Variants in TRPM2 observed in about 807,000 individuals in gnomAD.
The protein encoded by TRPM2 is estrogen-responsive element-associated gene 1 protein.
In TRPM2, 161 loss-of-function variants were observed where a neutral mutation model predicts 174.0. The ratio of observed to expected loss-of-function variants is 0.93; its 90% CI spans 0.81 to 1.05. TRPM2 has a LOEUF of 1.05. TRPM2 is among the 50% of genes least tolerant of loss of function. The probability of loss-of-function intolerance (pLI) is 0.00; values close to 1 mark genes in which losing one functional copy is unlikely to be tolerated. For missense variants in TRPM2, 2,057 were observed against 2,038.0 expected (o/e 1.01, Z -0.18); for synonymous variants, 954 against 861.3 (o/e 1.11, Z -1.88).
Position 44,406,207 on chromosome 21 carries a change from G to T in TRPM2, c.2790+170G>T, listed in dbSNP as rs529549440. Among the ~76,000 whole-genome samples, 5 of 152,220 alleles carry T rather than the reference G, an allele frequency of 3.3e-5. No homozygotes were observed. The South Asian group carries it at 1.0e-3, about 32-fold the overall frequency. The stretch of plus-strand genomic sequence containing the variant: ...GAATGCCCTTCTCGTATCTTTGCCT[G>T]TACGTCACCTCTTCCAGGAAGCCTT... On this transcript the variant is annotated intron_variant, in intron 18 of 31. Coordinates refer to ENST00000397928, the MANE Select transcript of TRPM2 (RefSeq NM_003307.4).
intron 18 of TRPM2, 90 bp downstream of exon 18, chr21:44,406,127 G>C: frequency 1.3e-6 from 2 of 1,514,970 alleles, no homozygotes; most frequent in African/African-American, 1.4e-5. Context: ...GCTCGGACTG[G>C]GGCTTAAACA....
intron 27 of TRPM2, among the ~76,000 whole-genome samples, chr21:44,429,622 A>G (rs1158284966): frequency 3.3e-5 from 5 of 152,158 alleles, no homozygotes; most frequent in Non-Finnish European, 5.9e-5. Flanking sequence ...TTTTAAAAAT[A>G]TATATAGGGG....
intron 11 of TRPM2, among the ~76,000 whole-genome samples, chr21:44,393,436 C>G (rs1457575088): frequency 2.6e-5 from 4 of 152,130 alleles, no homozygotes; most frequent in African/African-American, 9.7e-5. Flanking sequence ...ACTGGATTCT[C>G]TTGGCAACAT....
At chr21:44,350,506 G>A, upstream of TRPM2, among the ~76,000 whole-genome samples, 1 of 144,260 alleles carries the variant, frequency 6.9e-6, no homozygotes, top group East Asian at 2.1e-4. Flanking sequence ...GGGGTTCGGG[G>A]CGCTGGTGCA....
chr21:44,398,718 G>T (rs938816755), intron 13 of TRPM2, among the ~76,000 whole-genome samples: 1 of 152,134 alleles, frequency 6.6e-6, no homozygotes, highest in African/African-American at 2.4e-5. Flanking sequence ...TCGGGGTGGC[G>T]TCAGTGAAGC....
chr21:44,375,134 T>C (rs886203403), intron 5 of TRPM2, among the ~76,000 whole-genome samples: 1 of 152,306 alleles, frequency 6.6e-6, no homozygotes, highest in African/African-American at 2.4e-5. Flanking sequence ...GGTCTCGAAC[T>C]CCAGGGCTCA....
chr21:44,427,917 C>T (rs1371146277), intron 27 of TRPM2, among the ~76,000 whole-genome samples: 2 of 152,060 alleles, frequency 1.3e-5, no homozygotes, highest in Non-Finnish European at 2.9e-5. Flanking sequence ...GTGGGACGGG[C>T]AAGGGCGGGT....
rs113795464 is a variant in TRPM2, at chr21:44,366,683, G to T, written c.424-71G>T. 3 of 1,605,470 alleles carry T rather than the reference G, an allele frequency of 1.9e-6. No homozygotes were observed. The highest frequency in any genetic ancestry group is 1.7e-5 in the Admixed American group (1 of 59,862). On this transcript the variant is annotated intron_variant, in intron 3 of 31. Coordinates refer to ENST00000397928, the MANE Select transcript of TRPM2 (RefSeq NM_003307.4). The surrounding 1 kb of genome is among the most constrained non-coding windows in gnomAD (Gnocchi z 6.0). ...CCGCCCGCTGGGGCCTCTCTGCATG[G>T]CCTGTGTGGGTCGGTGCTGTCCCTG...
At chr21:44,434,271 G>T (rs1431606779) in intron 27 of TRPM2, among the ~76,000 whole-genome samples, 1 of 151,670 alleles carries the variant, frequency 6.6e-6, no homozygotes, top group East Asian at 1.9e-4. Context: ...ACGCTGGCGG[G>T]GACTGTGGCA....
intron 16 of TRPM2, among the ~76,000 whole-genome samples, chr21:44,403,730 CA>C (rs1290558495): frequency 5.3e-5 from 8 of 150,520 alleles, no homozygotes; most frequent in African/African-American, 1.7e-4. Flanking sequence ...CATGGACACA[CA>C]TACATGCATA....
intron 27 of TRPM2, among the ~76,000 whole-genome samples, chr21:44,428,715 C>T (rs796457084): frequency 3.6e-5 from 5 of 138,144 alleles, no homozygotes; most frequent in African/African-American, 1.3e-4. Context: ...AGATGTGGCT[C>T]CTCCCTGAGG....
chr21:44,354,091 AC>A lies in TRPM2; in HGVS notation c.165+228del, dbSNP rs2047989269. Among the ~76,000 whole-genome samples, 2 of 152,142 alleles carry A rather than the reference AC, an allele frequency of 1.3e-5. No homozygotes were observed. Among genetic ancestry groups the A allele is most frequent in the South Asian group, 4.1e-4 (2 of 4,822 alleles). ...CCATGGTTGGTCTGATTGGGAAATC[AC>A]CGGGTTAACTCAAAAATGTTGCGCT... On this transcript the variant is annotated intron_variant, in intron 1 of 31. Coordinates refer to ENST00000397928, the MANE Select transcript of TRPM2 (RefSeq NM_003307.4). The surrounding 1 kb of genome is among the most constrained non-coding windows in gnomAD (Gnocchi z 4.3).
chr21:44,440,960 C>T (rs995333347), intron 31 of TRPM2, 55 bp downstream of exon 31: 9 of 1,507,896 alleles, frequency 6.0e-6, no homozygotes, highest in East Asian at 4.5e-5. Context: ...CGGGTATGGG[C>T]GTGGCCTCCG....
chr21:44,440,952 G>T (rs2051480160), intron 31 of TRPM2, 47 bp downstream of exon 31: 2 of 1,559,258 alleles, frequency 1.3e-6, no homozygotes, highest in African/African-American at 1.4e-5. Flanking sequence ...GGCAGGGACG[G>T]GTATGGGCGT....
At chr21:44,440,935 GTGGGGAGGCAGGGACGGGTA>G (rs1569126847) in intron 31 of TRPM2, 30 bp downstream of exon 31, 2 of 1,599,126 alleles carry the variant, frequency 1.3e-6, no homozygotes, top group Non-Finnish European at 8.6e-7. Flanking sequence ...GGAGGCGGGA[GTGGGGAGGCAGGGACGGGTA>G]TGGGCGTGGC....
At position 44,424,435 on chromosome 21, in the gene TRPM2, G is replaced by A. The variant is rs1027985182; in HGVS notation, c.3550-417G>A. Among the ~76,000 whole-genome samples the A allele has an allele frequency of 2.6e-5, 4 of 152,222 alleles. 1 individual carries two copies. The highest frequency in any genetic ancestry group is 4.1e-4 in the South Asian group (2 of 4,834). ...TGTCCCACTGTCCCCTGTGGGAGGC[G>A]CATCAGCCTCTGGGGAGGCTCCTCC... On this transcript the variant is annotated intron_variant, in intron 23 of 31. Coordinates refer to ENST00000397928, the MANE Select transcript of TRPM2 (RefSeq NM_003307.4).
chr21:44,440,727 G>A, intron 30 of TRPM2, 62 bp from the exon 31 acceptor site: 1 of 1,446,372 alleles, frequency 6.9e-7, no homozygotes, highest in Non-Finnish European at 9.7e-7. Flanking sequence ...AGGGCACGAG[G>A]TGGGCCGGGG....
intron 27 of TRPM2, among the ~76,000 whole-genome samples, chr21:44,434,291 G>C (rs909522818): frequency 6.6e-6 from 1 of 150,856 alleles, no homozygotes; most frequent in Non-Finnish European, 1.5e-5. Context: ...AGAGACGCTG[G>C]CAGGGATGGT....
Position 44,369,178 on chromosome 21 carries a change from G to A in TRPM2, c.606G>A (p.Gly202=). Residue 202 remains glycine (G), a splice_region_variant and synonymous_variant, in exon 5 of 32, where the codon GGG becomes GGA. Coordinates refer to ENST00000397928, the MANE Select transcript of TRPM2 (RefSeq NM_003307.4). ...RGLVKVAQTT[G]AWIITGGSHT... ...TGCCCACCCGTGCTCCTTCCCCAGGGGCCTGGATCATCACAGGGGGGTCCC... is the reference window on the plus strand; with the variant it reads ...TGCCCACCCGTGCTCCTTCCCCAGGAGCCTGGATCATCACAGGGGGGTCCC... 6.2e-7 allele frequency: 1 copy of A among 1,605,236 alleles called. No homozygotes were observed.
Sources: gnomAD v4.1 joint callset for allele counts (sites outside exome capture counted in the v4.1 genomes callset) on GRCh38, gnomAD v4.1.1 for gene constraint, Gnocchi (gnomAD v3.1) non-coding constraint, MANE v1.5 for transcripts, NCBI Gene and HGNC (gene_info 2026-07-23, HGNC 2026-07-21) for gene names.